SV2C: variants seen among roughly 807,000 people sequenced by gnomAD.
SV2C encodes the protein synaptic vesicle glycoprotein 2C, also known as solute carrier family 22 member B3.
SV2C carries 49 observed loss-of-function variants against 79.7 expected under a neutral mutation model. The ratio of observed to expected loss-of-function variants is 0.61; its 90% confidence interval spans 0.49 to 0.78. The LOEUF (loss-of-function observed/expected upper bound fraction) is 0.78, where lower values mean the gene tolerates loss of function less well. Among genes scored for constraint, SV2C ranks in the 30% least tolerant of loss-of-function variants. The pLI, the probability that SV2C is intolerant of heterozygous loss-of-function variation, is 0.00. For missense variants in SV2C, 833 were observed against 912.9 expected, an observed-to-expected ratio of 0.91 and a Z score of 1.13; for synonymous variants, 334 against 333.2, an observed-to-expected ratio of 1.00 and a Z score of -0.03.
At chr5:75,976,197 G>A in the SV2C span, among the ~76,000 whole-genome samples, 4 of 152,164 alleles carry the variant, frequency 2.6e-5, no homozygotes, top group Non-Finnish European at 4.4e-5. Flanking sequence ...ATGTCAGTCT[G>A]CTCATTTCCA....
intron 4 of SV2C, among the ~76,000 whole-genome samples, chr5:76,259,016 A>T (rs1162755571): frequency 6.6e-6 from 1 of 152,230 alleles, no homozygotes; most frequent in Non-Finnish European, 1.5e-5. Flanking sequence ...ATCCCACTAT[A>T]TAAACATACC....
At chr5:75,906,387 G>C in the SV2C span, among the ~76,000 whole-genome samples, 2 of 150,904 alleles carry the variant, frequency 1.3e-5, no homozygotes, top group Non-Finnish European at 2.9e-5. Context: ...GAATGCAAAA[G>C]TTGATCAAGA....
At chr5:76,134,843 CTATT>C (rs1379324936) in intron 2 of SV2C, among the ~76,000 whole-genome samples, 1 of 152,150 alleles carries the variant, frequency 6.6e-6, no homozygotes, top group African/African-American at 2.4e-5. Flanking sequence ...TTGCCAAAGT[CTATT>C]TATTAAGCAC....
intron 4 of SV2C, among the ~76,000 whole-genome samples, chr5:76,279,827 G>A (rs550623002): frequency 2.2e-4 from 34 of 152,278 alleles, no homozygotes; most frequent in African/African-American, 5.5e-4. Context: ...CAAGTAAAGC[G>A]AGAGAACATG....
chr5:76,193,776 T>TA (rs1744180459), intron 2 of SV2C, among the ~76,000 whole-genome samples: 1 of 152,190 alleles, frequency 6.6e-6, no homozygotes, highest in African/African-American at 2.4e-5. Flanking sequence ...GCTAGCCACT[T>TA]ACTGTCTGTT....
At chr5:76,337,281 T>C (rs1293018957), downstream of SV2C, among the ~76,000 whole-genome samples, 1 of 152,140 alleles carries the variant, frequency 6.6e-6, no homozygotes, top group African/African-American at 2.4e-5. Flanking sequence ...CCTCTTTACA[T>C]ATCTGTGTCC....
At chr5:76,013,032 A>G in the SV2C span, among the ~76,000 whole-genome samples, 4 of 151,970 alleles carry the variant, frequency 2.6e-5, no homozygotes, top group African/African-American at 7.2e-5. Flanking sequence ...TTGAAGTCAG[A>G]GAGCATGATG....
chr5:76,275,131 C>T (rs1200073357), intron 4 of SV2C, among the ~76,000 whole-genome samples: 1 of 152,058 alleles, frequency 6.6e-6, no homozygotes, highest in East Asian at 1.9e-4. Flanking sequence ...GTGTCTTGTA[C>T]CTAAAATCTG....
At chr5:76,183,379 TC>T (rs549273739) in intron 2 of SV2C, among the ~76,000 whole-genome samples, 183 of 151,480 alleles carry the variant, frequency 1.2e-3, no homozygotes, top group African/African-American at 4.3e-3. Flanking sequence ...ACCCCTATGA[TC>T]CAAACACCTC....
Position 76,333,480 on chromosome 5 carries a change from T to C in SV2C, c.*7933T>C, listed in dbSNP as rs893985862. 1.7e-4 allele frequency: 26 copies of C among 152,260 alleles called. No individual in the cohort carries two copies. Among genetic ancestry groups the C allele is most frequent in the African/African-American group, 6.0e-4 (25 of 41,474 alleles). The allele number at this position is 152,260 out of a possible 1,614,324, so 9.4% of individuals were successfully genotyped here. On this transcript the variant is annotated 3_prime_UTR_variant, in exon 13 of 13. Coordinates refer to ENST00000502798, the MANE Select transcript of SV2C (RefSeq NM_014979.4). ...GTCTATTTTAATGAGATCTTGGCAA[T>C]GGTCCTGTCGGTTTTGGTGTTTGGA... is the stretch of plus-strand genomic sequence containing the variant.
chr5:76,175,250 C>A (rs1051557550), intron 2 of SV2C, among the ~76,000 whole-genome samples: 1 of 152,104 alleles, frequency 6.6e-6, no homozygotes, highest in Non-Finnish European at 1.5e-5. Flanking sequence ...TTTGGCTCCC[C>A]CTGGAGGCTA....
rs143502248 is a variant in SV2C at position 76,146,788 on chromosome 5, GTTTT to G, written c.580+14464_580+14467del. Among the ~76,000 whole-genome samples, 104 of 47,506 alleles carry G rather than the reference GTTTT, an allele frequency of 2.2e-3. 1 individual carries two copies. Among genetic ancestry groups the G allele is most frequent in the Middle Eastern group, 0.016 (1 of 62 alleles). 31.2% of individuals were successfully genotyped at this position (47,506 alleles called of 152,430 possible). The stretch of plus-strand genomic sequence containing the variant: ...GGAAAGAAAGATGATAAAGGAATGA[GTTTT>G]TTTTTAAAAAAAAAAAAAAAAAAAA... On this transcript the variant is annotated intron_variant, in intron 2 of 12. Coordinates refer to ENST00000502798, the MANE Select transcript of SV2C (RefSeq NM_014979.4).
intron 1 of SV2C, among the ~76,000 whole-genome samples, chr5:76,084,869 C>G (rs977585980): frequency 3.3e-5 from 5 of 151,774 alleles, no homozygotes; most frequent in Non-Finnish European, 7.4e-5. Context: ...AGGAAAGCCC[C>G]GCACGGCCTG....
chr5:75,894,603 T>A, the SV2C span, among the ~76,000 whole-genome samples: 1 of 152,106 alleles, frequency 6.6e-6, no homozygotes, highest in Non-Finnish European at 1.5e-5. Flanking sequence ...TTTGTTTTTA[T>A]TTAACCTGAG....
the SV2C span, among the ~76,000 whole-genome samples, chr5:76,009,882 C>CA: frequency 6.6e-6 from 1 of 151,624 alleles, no homozygotes; most frequent in Non-Finnish European, 1.5e-5. Context: ...CAAACCTGAA[C>CA]ATGTACCCCC....
the SV2C span, among the ~76,000 whole-genome samples, chr5:75,940,436 C>A: frequency 2.2e-5 from 3 of 133,724 alleles, no homozygotes; most frequent in South Asian, 7.4e-4. Context: ...TTTTCACTCG[C>A]CTGTGCAGTC....
Position 76,150,626 on chromosome 5 carries a change from CTTTTTT to C in SV2C, c.580+18320_580+18325del, listed in dbSNP as rs57910684. Among the ~76,000 whole-genome samples the C allele has an allele frequency of 2.5e-3, 141 of 56,486 alleles. 1 individual carries two copies. The East Asian group carries it at 0.075, about 30-fold the overall frequency. 37.1% of individuals were successfully genotyped at this position (56,486 alleles called of 152,430 possible). ...TATTCGTCTGTTTATTCATCAAATT[CTTTTTT>C]TTTTTTTTTTTTTTTTTTTTTTTGA... On this transcript the variant is annotated intron_variant, in intron 2 of 12. Transcript: ENST00000502798.
At chr5:76,030,901 G>C in the SV2C span, among the ~76,000 whole-genome samples, 1 of 152,092 alleles carries the variant, frequency 6.6e-6, no homozygotes, top group Non-Finnish European at 1.5e-5. Flanking sequence ...CCTAACAATA[G>C]TTAATAATAA....
chr5:76,182,918 A>AGAGTGTGTGTGT (rs1554038414), intron 2 of SV2C, among the ~76,000 whole-genome samples: 1 of 141,146 alleles, frequency 7.1e-6, no homozygotes, highest in African/African-American at 2.8e-5. Flanking sequence ...TGAGAGAGAG[A>AGAGTGTGTGTGT]GTGTGTGTGT....
Sources: allele counts gnomAD v4.1 joint callset (sites outside exome capture counted in the v4.1 genomes callset), GRCh38; gene constraint gnomAD v4.1.1; transcripts MANE v1.5; gene names NCBI Gene and HGNC (gene_info 2026-07-23, HGNC 2026-07-21).